PSAP: variants seen among roughly 807,000 people sequenced by gnomAD.
PSAP encodes prosaposin.
In PSAP, 25 loss-of-function variants were observed where a neutral mutation model predicts 66.0. The ratio of observed to expected loss-of-function variants is 0.38; its 90% CI spans 0.28 to 0.53. The LOEUF is 0.53. Among genes scored for constraint, PSAP ranks in the 20% least tolerant of loss-of-function variants. PSAP has a pLI of 0.83. For missense variants in PSAP, 649 were observed against 668.8 expected, an observed-to-expected ratio of 0.97 and a Z score of 0.33; for synonymous variants, 273 against 258.9, an observed-to-expected ratio of 1.05 and a Z score of -0.52.
At chr10:71,833,035 AAAAC>A (rs1273304175) in intron 2 of PSAP, among the ~76,000 whole-genome samples, 4,302 of 144,682 alleles carry the variant, frequency 0.03, 437 homozygotes, top group African/African-American at 0.073. Context: ...AAAAAAACAA[AAAAC>A]AAAAACAGAA....
At position 71,835,219 on chromosome 10, in the gene PSAP, A is replaced by AAAATAAATAAAT. The variant is rs71018228; in HGVS notation, c.41-726_41-715dup. Reference sequence around the variant, plus strand: ...GTGACAGAGCGAGACTCCGTTTCAAAAAATAAATAAATAAATAAATAAATA... The same window carrying AAAATAAATAAAT: ...GTGACAGAGCGAGACTCCGTTTCAAAAAATAAATAAATAAATAAATAAATAAATAAATAAATA... On this transcript the variant is annotated intron_variant, in intron 1 of 13. Transcript: ENST00000394936. Among the ~76,000 whole-genome samples, 230 of 147,384 alleles carry AAAATAAATAAAT rather than the reference A, an allele frequency of 1.6e-3. 2 individuals carry two copies. Among genetic ancestry groups the AAAATAAATAAAT allele is most frequent in the African/African-American group, 3.5e-3 (141 of 40,132 alleles).
chr10:71,822,126 C>T lies in PSAP; in HGVS notation c.778-119G>A, dbSNP rs547185735. 2.1e-4 allele frequency: 283 copies of T among 1,367,060 alleles called. 2 individuals carry two copies. The East Asian group carries it at 6.6e-3, about 32-fold the overall frequency. 84.7% of individuals were successfully genotyped at this position (1,367,060 alleles called of 1,614,324 possible). The stretch of plus-strand genomic sequence containing the variant: ...CCTGGGCCCAGGTCAAGGCTACCTC[C>T]CTCTCCCCCTCCCACAACGGGGCAG... On this transcript the variant is annotated intron_variant, in intron 7 of 13. Transcript: ENST00000394936.
At position 71,821,978 on chromosome 10, in the gene PSAP, C is replaced by G. The variant is rs1268577104; in HGVS notation, c.807G>C (p.Gly269=). The change falls in exon 8 of 14, where the codon GGG becomes GGC. Residue 269 remains glycine (G), a synonymous_variant. Transcript: ENST00000394936. ...MQPKEICALV[G]FCDEVKEMPM... is the part of the protein sequence containing the mutation. The stretch of plus-strand genomic sequence containing the variant: ...GCATCTCTTTCACCTCATCACAGAA[C>G]CCAACCAGCGCACAGATCTCCTTGG... 5 of 1,614,068 alleles carry G rather than the reference C, an allele frequency of 3.1e-6. No individual in the cohort carries two copies. Among genetic ancestry groups the G allele is most frequent in the Admixed American group, 1.7e-5 (1 of 60,002 alleles).
chr10:71,825,811 T>C (rs573037445), intron 7 of PSAP, 26 bp downstream of exon 7: 4 of 1,599,268 alleles, frequency 2.5e-6, no homozygotes, highest in Admixed American at 1.7e-5. Context: ...AGAAAAATGC[T>C]AACAAGGGGC....
chr10:71,839,892 T>G (rs181241264), intron 1 of PSAP, among the ~76,000 whole-genome samples: 4 of 152,270 alleles, frequency 2.6e-5, no homozygotes, highest in African/African-American at 9.6e-5. Context: ...ATTCTATGTA[T>G]TTGTTGTTTA....
intron 1 of PSAP, among the ~76,000 whole-genome samples, chr10:71,847,970 G>A (rs1842851630): frequency 6.6e-6 from 1 of 152,146 alleles, no homozygotes; most frequent in South Asian, 2.1e-4. Flanking sequence ...CCACCACACA[G>A]CTGACAGCTA....
intron 4 of PSAP, among the ~76,000 whole-genome samples, chr10:71,830,050 A>G (rs1482086513): frequency 6.6e-6 from 1 of 152,096 alleles, no homozygotes; most frequent in African/African-American, 2.4e-5. Context: ...GCTGGAGGAG[A>G]AGAGTCAGCA....
intron 1 of PSAP, among the ~76,000 whole-genome samples, chr10:71,839,168 C>T (rs78542036): frequency 0.039 from 4,781 of 122,292 alleles, 122 homozygotes; most frequent in East Asian, 0.087. Context: ...AAGACATGAA[C>T]AGCACTCGGG....
intron 2 of PSAP, among the ~76,000 whole-genome samples, chr10:71,833,016 C>CAAACAA (rs1842548929): frequency 2.0e-5 from 1 of 50,708 alleles, no homozygotes; most frequent in Non-Finnish European, 3.6e-5. Context: ...GAGTCCATCT[C>CAAACAA]AAAAAAAAAA....
At chr10:71,838,697 A>T (rs375733724) in intron 1 of PSAP, among the ~76,000 whole-genome samples, 2 of 151,998 alleles carry the variant, frequency 1.3e-5, no homozygotes, top group Non-Finnish European at 2.9e-5. Flanking sequence ...CGGAGGTTGC[A>T]CTCCAGTGCC....
At chr10:71,823,605 C>T (rs1368033320) in intron 7 of PSAP, among the ~76,000 whole-genome samples, 1 of 152,164 alleles carries the variant, frequency 6.6e-6, no homozygotes, top group African/African-American at 2.4e-5. Flanking sequence ...TGGTGGCCTG[C>T]ATGTACGTAT....
Position 71,829,089 on chromosome 10 carries a change from GAA to G in PSAP, c.376-14_376-13del. On this transcript the variant is annotated splice_polypyrimidine_tract_variant and intron_variant, in intron 4 of 13. Coordinates refer to ENST00000394936, the MANE Select transcript of PSAP (RefSeq NM_002778.4). ...TCCCCAGGACGGCTCTGGTGGGATG[GAA>G]AGAAGTCCTGCTGAAAATCCTCTCC... The G allele has an allele frequency of 6.2e-7, 1 of 1,611,790 alleles. No individual in the cohort carries two copies. Among genetic ancestry groups the G allele is most frequent in the South Asian group, 1.1e-5 (1 of 91,044 alleles).
intron 2 of PSAP, among the ~76,000 whole-genome samples, chr10:71,832,757 C>T (rs1334033105): frequency 1.3e-5 from 2 of 152,022 alleles, no homozygotes; most frequent in Admixed American, 6.5e-5. Flanking sequence ...AGGGCCGGGC[C>T]GGGCGTGGTG....
intron 1 of PSAP, among the ~76,000 whole-genome samples, chr10:71,844,128 T>C (rs1450758008): frequency 6.6e-6 from 1 of 152,206 alleles, no homozygotes; most frequent in African/African-American, 2.4e-5. Context: ...GTTTTAACAA[T>C]ATCAAATGTT....
In PSAP at chr10:71,816,300, T is replaced by A; in HGVS notation, c.*1141A>T. 2.2e-6 allele frequency: 1 copy of A among 451,838 alleles called. No individual in the cohort carries two copies. The highest frequency in any genetic ancestry group is 4.7e-6 in the Non-Finnish European group (1 of 212,810). The allele number at this position is 451,838 out of a possible 1,614,324, so 28.0% of individuals were successfully genotyped here. A position where few individuals can be genotyped will look rare whatever the true frequency, so the allele number is the denominator to read the frequency against. Reference sequence around the variant, plus strand: ...GTCACAGAAACATTAGGCCCAGATCTGGCTAACAGAATTTTATTGTTAAAT... The same window carrying A: ...GTCACAGAAACATTAGGCCCAGATCAGGCTAACAGAATTTTATTGTTAAAT... On this transcript the variant is annotated 3_prime_UTR_variant, in exon 14 of 14. Coordinates refer to ENST00000394936, the MANE Select transcript of PSAP (RefSeq NM_002778.4).
At chr10:71,839,689 A>G (rs940656262) in intron 1 of PSAP, among the ~76,000 whole-genome samples, 1 of 152,016 alleles carries the variant, frequency 6.6e-6, no homozygotes. Flanking sequence ...CCCCATTTCT[A>G]CAAAAAATAC....
chr10:71,839,308 C>T (rs1842685269), intron 1 of PSAP, among the ~76,000 whole-genome samples: 3 of 152,110 alleles, frequency 2.0e-5, no homozygotes, highest in South Asian at 4.1e-4. Context: ...GGCACGATCT[C>T]GGCTTACTGC....
chr10:71,819,013 C>CACCTCACA lies in PSAP; in HGVS notation c.1431+17_1431+18insTGTGAGGT, dbSNP rs1589445926. 1 of 1,611,576 alleles carries CACCTCACA rather than the reference C, an allele frequency of 6.2e-7. No homozygotes were observed. Among genetic ancestry groups the CACCTCACA allele is most frequent in the Middle Eastern group, 1.7e-4 (1 of 6,054 alleles). Reference sequence around the variant, plus strand: ...GTTACAGCTGCCCGAGAGGACCACACCACCCAGTGAGGCTCACCAAGCACA... The same window carrying CACCTCACA: ...GTTACAGCTGCCCGAGAGGACCACACACCTCACACACCCAGTGAGGCTCACCAAGCACA... On this transcript the variant is annotated intron_variant, in intron 12 of 13. Coordinates refer to ENST00000394936, the MANE Select transcript of PSAP (RefSeq NM_002778.4).
chr10:71,833,767 T>A (rs747851702), intron 2 of PSAP, among the ~76,000 whole-genome samples: 74 of 152,196 alleles, frequency 4.9e-4, no homozygotes, highest in Non-Finnish European at 8.5e-4. Flanking sequence ...ATGCCCCACA[T>A]TAATACGCTA....
Sources: gnomAD v4.1 joint callset for allele counts (sites outside exome capture counted in the v4.1 genomes callset) on GRCh38, gnomAD v4.1.1 for gene constraint, MANE v1.5 for transcripts, NCBI Gene and HGNC (gene_info 2026-07-23, HGNC 2026-07-21) for gene names.